The following CPNE4 variants were observed in gnomAD, a reference collection of about 807,000 sequenced individuals.
The protein encoded by CPNE4 is copine 4.
CPNE4 carries 25 observed loss-of-function variants against 67.9 expected under a neutral mutation model. That is an observed-to-expected ratio of 0.37 (90% CI 0.27 to 0.51). The LOEUF (loss-of-function observed/expected upper bound fraction) is 0.51, where lower values mean the gene tolerates loss of function less well. Among genes scored for constraint, CPNE4 ranks in the 20% least tolerant of loss-of-function variants. The pLI is 0.93. For missense variants in CPNE4, 464 were observed against 690.8 expected, an observed-to-expected ratio of 0.67 and a Z score of 3.68; for synonymous variants, 242 against 244.9, an observed-to-expected ratio of 0.99 and a Z score of 0.11.
intron 2 of CPNE4, among the ~76,000 whole-genome samples, chr3:131,732,679 TCCTTTAACCTTG>T (rs1467917205): frequency 2.0e-5 from 3 of 152,214 alleles, no homozygotes; most frequent in Admixed American, 1.3e-4. Flanking sequence ...TCTTGCTGGT[TCCTTTAACCTTG>T]CCCACACATC....
chr3:131,829,898 G>A (rs1287324125), intron 2 of CPNE4, among the ~76,000 whole-genome samples: 1 of 152,132 alleles, frequency 6.6e-6, no homozygotes, highest in Non-Finnish European at 1.5e-5. Flanking sequence ...TTTTAGAGAT[G>A]AAAATTAACA....
At chr3:131,724,452 T>C (rs2081957479) in intron 2 of CPNE4, among the ~76,000 whole-genome samples, 1 of 152,164 alleles carries the variant, frequency 6.6e-6, no homozygotes, top group African/African-American at 2.4e-5. Context: ...TATTAATACA[T>C]CTCTGCCACT....
At chr3:131,637,481 C>T (rs997639195) in intron 7 of CPNE4, among the ~76,000 whole-genome samples, 1 of 152,090 alleles carries the variant, frequency 6.6e-6, no homozygotes, top group Non-Finnish European at 1.5e-5. Context: ...TTAACCCAAT[C>T]CAACAAAGAC....
At chr3:131,674,386 T>C (rs980613575) in intron 6 of CPNE4, among the ~76,000 whole-genome samples, 1 of 151,956 alleles carries the variant, frequency 6.6e-6, no homozygotes, top group Non-Finnish European at 1.5e-5. Flanking sequence ...GTAGGATTGG[T>C]ATTAGTTCTT....
chr3:131,849,888 T>C (rs527780838), intron 2 of CPNE4, among the ~76,000 whole-genome samples: 1 of 152,302 alleles, frequency 6.6e-6, no homozygotes, highest in South Asian at 2.1e-4. Context: ...ACAGAGTTTC[T>C]GTGGTTCTTT....
chr3:131,851,603 T>C (rs1310524450), intron 2 of CPNE4, among the ~76,000 whole-genome samples: 1 of 152,078 alleles, frequency 6.6e-6, no homozygotes, highest in South Asian at 2.1e-4. Flanking sequence ...TTGGTGATGA[T>C]AGCGATGGAG....
chr3:131,827,779 G>A (rs2107986326), intron 2 of CPNE4, among the ~76,000 whole-genome samples: 1 of 152,124 alleles, frequency 6.6e-6, no homozygotes, highest in South Asian at 2.1e-4. Context: ...AGAAAAAAAT[G>A]AGAGAATTAA....
At position 131,828,111 on chromosome 3, in the gene CPNE4, A is replaced by G. The variant is rs184955409; in HGVS notation, c.180+77153T>C. Among the ~76,000 whole-genome samples, 22 of 150,998 alleles carry G rather than the reference A, an allele frequency of 1.5e-4. No homozygotes were observed. In the East Asian group the frequency reaches 3.7e-3, roughly 25 times the overall value. Reference sequence around the variant, plus strand: ...AAGCCACTATAACATTGTATTGCTTAGAGTCTAAATTTATTTAATGTAATT... The same window carrying G: ...AAGCCACTATAACATTGTATTGCTTGGAGTCTAAATTTATTTAATGTAATT... On this transcript the variant is annotated intron_variant, in intron 2 of 15. Coordinates refer to ENST00000429747, the MANE Select transcript of CPNE4 (RefSeq NM_130808.3).
intron 7 of CPNE4, among the ~76,000 whole-genome samples, chr3:131,623,523 C>A (rs1490243571): frequency 1.3e-5 from 2 of 152,202 alleles, no homozygotes; most frequent in African/African-American, 4.8e-5. Flanking sequence ...CTAGACTTCA[C>A]CTCCTTACTC....
At chr3:132,023,069 A>C (rs541298485) in intron 1 of CPNE4, among the ~76,000 whole-genome samples, 1 of 152,350 alleles carries the variant, frequency 6.6e-6, no homozygotes, top group Admixed American at 6.5e-5. Flanking sequence ...TTACACACCA[A>C]GATAAAATAT....
chr3:131,810,533 G>A (rs1370352172), intron 2 of CPNE4, among the ~76,000 whole-genome samples: 1 of 152,042 alleles, frequency 6.6e-6, no homozygotes, highest in Non-Finnish European at 1.5e-5. Flanking sequence ...GTAAGTGTTA[G>A]TTAAGTGTTA....
At chr3:131,854,857 T>C (rs2086377671) in intron 2 of CPNE4, among the ~76,000 whole-genome samples, 1 of 151,732 alleles carries the variant, frequency 6.6e-6, no homozygotes, top group Non-Finnish European at 1.5e-5. Context: ...TTCTTTTTCT[T>C]TTGAGGGTCC....
At chr3:131,599,669 G>A (rs1436623096) in intron 7 of CPNE4, among the ~76,000 whole-genome samples, 1 of 152,194 alleles carries the variant, frequency 6.6e-6, no homozygotes, top group African/African-American at 2.4e-5. Context: ...AGACTGGTGG[G>A]CAGGACTAGT....
intron 1 of CPNE4, among the ~76,000 whole-genome samples, chr3:131,996,778 A>G (rs2073306116): frequency 1.3e-5 from 2 of 151,940 alleles, no homozygotes; most frequent in African/African-American, 2.4e-5. Flanking sequence ...GAGTTAGGAG[A>G]GGATAATGAG....
At chr3:131,844,401 G>T (rs1396397387) in intron 2 of CPNE4, among the ~76,000 whole-genome samples, 1 of 151,912 alleles carries the variant, frequency 6.6e-6, no homozygotes, top group Admixed American at 6.6e-5. Context: ...TGAGTAGCTG[G>T]GACTACAGGC....
intron 1 of CPNE4, among the ~76,000 whole-genome samples, chr3:132,006,462 C>T (rs559532711): frequency 5.8e-4 from 88 of 152,266 alleles, no homozygotes; most frequent in African/African-American, 1.9e-3. Flanking sequence ...AACTTAGGCT[C>T]TCTCTAAGTA....
chr3:132,013,353 A>C (rs187314492), intron 1 of CPNE4, among the ~76,000 whole-genome samples: 40 of 152,348 alleles, frequency 2.6e-4, no homozygotes, highest in Admixed American at 1.0e-3. Context: ...AATAAAACAC[A>C]AGGAAGATTT....
intron 1 of CPNE4, among the ~76,000 whole-genome samples, chr3:132,003,002 G>T (rs1317039903): frequency 1.6e-4 from 24 of 152,038 alleles, no homozygotes; most frequent in Non-Finnish European, 4.4e-5. Flanking sequence ...GACCTACTGA[G>T]TCAGAATTTG....
chr3:131,757,007 C>T (rs968270652), intron 2 of CPNE4, among the ~76,000 whole-genome samples: 5 of 152,188 alleles, frequency 3.3e-5, no homozygotes, highest in African/African-American at 1.2e-4. Flanking sequence ...GAGGCCTCCC[C>T]AGCCATGTGG....
Sources: allele counts gnomAD v4.1 joint callset (sites outside exome capture counted in the v4.1 genomes callset), GRCh38; gene constraint gnomAD v4.1.1; transcripts MANE v1.5; gene names NCBI Gene and HGNC (gene_info 2026-07-23, HGNC 2026-07-21).